Variants in DCBLD2 observed in about 807,000 individuals in gnomAD.
The protein encoded by DCBLD2 is discoidin, CUB and LCCL domain containing 2.
DCBLD2 carries 54 observed loss-of-function variants against 86.8 expected under a neutral mutation model. The observed-to-expected ratio is 0.62, with a 90% confidence interval of 0.50 to 0.78. DCBLD2 has a LOEUF of 0.78. Ranked by LOEUF, DCBLD2 falls within the 30% of genes least tolerant of loss-of-function variation. The pLI is 0.00. For missense variants in DCBLD2, 908 were observed against 954.2 expected (o/e 0.95, Z 0.64); for synonymous variants, 354 against 341.3 (o/e 1.04, Z -0.41).
chr3:98,844,034 G>GCACACACACACACACACACACACA (rs10574415), intron 3 of DCBLD2, among the ~76,000 whole-genome samples: 26 of 145,630 alleles, frequency 1.8e-4, no homozygotes, highest in Non-Finnish European at 3.3e-4. Flanking sequence ...AATCATGCAT[G>GCACACACACACACACACACACACA]CACACACACA....
rs141768242 is a variant in DCBLD2, at chr3:98,889,606, T to C, written c.206-7839A>G. Among the ~76,000 whole-genome samples, 815 of 152,108 alleles carry C rather than the reference T, an allele frequency of 5.4e-3. 7 individuals are homozygous for C. The highest frequency in any genetic ancestry group is 0.019 in the African/African-American group (772 of 41,524). On this transcript the variant is annotated intron_variant, in intron 1 of 15. Coordinates refer to ENST00000326840, the MANE Select transcript of DCBLD2 (RefSeq NM_080927.4). ...GGTAAAGATGCACATAATTTTTCTA[T>C]AGTTGAAAAAATAACCTATAGGTAA...
chr3:98,849,672 G>A, intron 2 of DCBLD2, 74 bp from the exon 3 acceptor site: 1 of 1,494,822 alleles, frequency 6.7e-7, no homozygotes. Context: ...GTAGATAACA[G>A]AAGCAGAATA....
chr3:98,822,533 TA>T, intron 5 of DCBLD2, 135 bp downstream of exon 5: 1 of 1,236,920 alleles, frequency 8.1e-7, no homozygotes, highest in Non-Finnish European at 1.1e-6. Flanking sequence ...AGAAAAAGAA[TA>T]AAACACATAT....
At position 98,839,206 on chromosome 3, in the gene DCBLD2, T is replaced by TC. The variant is rs1471906567; in HGVS notation, c.571+10254dup. ...TTCCTTCCTTCCTTCCTTCCTTCCTTCTTTCTTTCCTTCTTTCCTTCTCTC... is the reference window on the plus strand; with the variant it reads ...TTCCTTCCTTCCTTCCTTCCTTCCTTCCTTTCTTTCCTTCTTTCCTTCTCTC... On this transcript the variant is annotated intron_variant, in intron 3 of 15. Coordinates refer to ENST00000326840, the MANE Select transcript of DCBLD2 (RefSeq NM_080927.4). Among the ~76,000 whole-genome samples the TC allele has an allele frequency of 6.0e-3, 901 of 149,928 alleles. 7 individuals are homozygous for TC. Among genetic ancestry groups the TC allele is most frequent in the African/African-American group, 0.018 (706 of 40,340 alleles).
At chr3:98,842,389 T>C (rs553059194) in intron 3 of DCBLD2, among the ~76,000 whole-genome samples, 4 of 152,328 alleles carry the variant, frequency 2.6e-5, no homozygotes, top group African/African-American at 9.6e-5. Flanking sequence ...TTGCTCCTAT[T>C]ATAGGAATCT....
At chr3:98,801,708 C>G in intron 13 of DCBLD2, 59 bp from the exon 14 acceptor site, 1 of 1,335,708 alleles carries the variant, frequency 7.5e-7, no homozygotes, top group Non-Finnish European at 1.0e-6. Context: ...AAGCCTGCTC[C>G]CCCTACCCCA....
In DCBLD2 at chr3:98,853,503, G is replaced by A. The variant is rs1382004299; in HGVS notation, c.434-3905C>T. On this transcript the variant is annotated intron_variant, in intron 2 of 15. Coordinates refer to ENST00000326840, the MANE Select transcript of DCBLD2 (RefSeq NM_080927.4). ...ATGGCTATGCTGTTATTCTTCATAT[G>A]CCTAGGCCATTTCACTCCTTTATTT... is the stretch of plus-strand genomic sequence containing the variant. Among the ~76,000 whole-genome samples the A allele has an allele frequency of 2.6e-5, 4 of 152,110 alleles. No individual in the cohort carries two copies. In the East Asian group the frequency reaches 7.7e-4, roughly 29 times the overall value.
intron 13 of DCBLD2, among the ~76,000 whole-genome samples, chr3:98,804,435 C>G (rs1408754828): frequency 6.6e-6 from 1 of 152,050 alleles, no homozygotes; most frequent in African/African-American, 2.4e-5. Flanking sequence ...ATTCTTCTCT[C>G]TTTTCTTCTT....
At chr3:98,809,309 C>A (rs370964144) in intron 12 of DCBLD2, among the ~76,000 whole-genome samples, 3 of 148,936 alleles carry the variant, frequency 2.0e-5, no homozygotes, top group African/African-American at 7.5e-5. Flanking sequence ...CAGAGCCGGA[C>A]ACTGCAATGA....
chr3:98,848,039 T>C (rs1942759935), intron 3 of DCBLD2, among the ~76,000 whole-genome samples: 1 of 152,210 alleles, frequency 6.6e-6, no homozygotes, highest in African/African-American at 2.4e-5. Context: ...TAAGCTTGCG[T>C]CATGGGGGCT....
intron 1 of DCBLD2, among the ~76,000 whole-genome samples, chr3:98,884,729 C>T (rs1336874116): frequency 6.6e-6 from 1 of 152,006 alleles, no homozygotes; most frequent in Non-Finnish European, 1.5e-5. Flanking sequence ...TATAAATGCA[C>T]GTTCTTTAGT....
At chr3:98,868,565 T>C (rs1391433840) in intron 2 of DCBLD2, among the ~76,000 whole-genome samples, 1 of 152,188 alleles carries the variant, frequency 6.6e-6, no homozygotes, top group Non-Finnish European at 1.5e-5. Context: ...ATCACCCAAA[T>C]AGTGTACAGT....
intron 6 of DCBLD2, chr3:98,820,778 T>C (rs1456169112): frequency 6.6e-6 from 1 of 151,082 alleles, no homozygotes; most frequent in Non-Finnish European, 1.5e-5. Flanking sequence ...CTTTTTTTTT[T>C]TTTTTTTAGG....
intron 2 of DCBLD2, among the ~76,000 whole-genome samples, chr3:98,872,518 C>T (rs1487257892): frequency 6.6e-6 from 1 of 152,106 alleles, no homozygotes; most frequent in Admixed American, 6.6e-5. Flanking sequence ...TATAAAACAT[C>T]CAGCTTCAGT....
At chr3:98,881,823 T>C (rs1307975234) in intron 1 of DCBLD2, 56 bp from the exon 2 acceptor site, 1 of 1,521,640 alleles carries the variant, frequency 6.6e-7, no homozygotes, top group Non-Finnish European at 8.9e-7. Context: ...ACTTCCTCTA[T>C]AATGATTTTT....
At chr3:98,827,592 A>C (rs1443294423) in intron 3 of DCBLD2, among the ~76,000 whole-genome samples, 1 of 152,238 alleles carries the variant, frequency 6.6e-6, no homozygotes, top group African/African-American at 2.4e-5. Context: ...AGAGCTCTCA[A>C]GGAGAAAAAT....
At position 98,823,560 on chromosome 3, in the gene DCBLD2, CT is replaced by C. The variant is rs573010496; in HGVS notation, c.624-820del. Reference sequence around the variant, plus strand: ...AAAGTCAAACAGACAAATATTGCCCCTGTCCTCACTGAGTTTATATTCCAGT... The same window carrying C: ...AAAGTCAAACAGACAAATATTGCCCCGTCCTCACTGAGTTTATATTCCAGT... On this transcript the variant is annotated intron_variant, in intron 4 of 15. Coordinates refer to ENST00000326840, the MANE Select transcript of DCBLD2 (RefSeq NM_080927.4). Among the ~76,000 whole-genome samples, 192 of 152,292 alleles carry C rather than the reference CT, an allele frequency of 1.3e-3. 1 individual carries two copies. The highest frequency in any genetic ancestry group is 4.2e-3 in the African/African-American group (173 of 41,560).
intron 2 of DCBLD2, among the ~76,000 whole-genome samples, chr3:98,867,290 C>T (rs553716868): frequency 6.6e-6 from 1 of 152,256 alleles, no homozygotes; most frequent in East Asian, 1.9e-4. Context: ...CTATAAATTA[C>T]CTTGGGCAGT....
intron 3 of DCBLD2, among the ~76,000 whole-genome samples, chr3:98,840,371 A>G (rs1470448831): frequency 2.6e-5 from 4 of 152,244 alleles, no homozygotes; most frequent in East Asian, 3.8e-4. Flanking sequence ...GAGCAACTTA[A>G]AAGATGAACT....
Sources: gnomAD v4.1 joint callset for allele counts (sites outside exome capture counted in the v4.1 genomes callset) on GRCh38, gnomAD v4.1.1 for gene constraint, MANE v1.5 for transcripts, NCBI Gene and HGNC (gene_info 2026-07-23, HGNC 2026-07-21) for gene names.